ARHGEF10L: variants seen among roughly 807,000 people sequenced by gnomAD.
ARHGEF10L encodes the protein rho guanine nucleotide exchange factor 10-like protein.
A neutral mutation model predicts 141.2 loss-of-function variants in ARHGEF10L; 69 were observed. That is an observed-to-expected ratio of 0.49 (90% CI 0.40 to 0.60). ARHGEF10L has a LOEUF of 0.60. Among genes scored for constraint, ARHGEF10L ranks in the 20% least tolerant of loss-of-function variants. ARHGEF10L has a pLI of 0.00. For synonymous variants in ARHGEF10L, 711 were observed against 718.5 expected (o/e 0.99, Z 0.17); for missense variants, 1,482 against 1,734.3 (o/e 0.85, Z 2.58).
intron 27 of ARHGEF10L, chr1:17,694,533 A>T (rs952616398): frequency 4.7e-6 from 1 of 211,324 alleles, no homozygotes. Context: ...GCTAAAAAGA[A>T]TGAATCTGGA....
At chr1:17,536,365 CAGTT>C (rs1193313953), upstream of ARHGEF10L, among the ~76,000 whole-genome samples, 1 of 152,200 alleles carries the variant, frequency 6.6e-6, no homozygotes, top group South Asian at 2.1e-4. Context: ...CCTGTAGTCT[CAGTT>C]AGGAGGCTGT....
At chr1:17,645,551 C>A (rs956146077) in intron 21 of ARHGEF10L, among the ~76,000 whole-genome samples, 1 of 152,120 alleles carries the variant, frequency 6.6e-6, no homozygotes, top group Non-Finnish European at 1.5e-5. Flanking sequence ...CAGACCAGAG[C>A]TCTTGGCTGG....
rs140728299 is a variant in ARHGEF10L, at chr1:17,574,760, G to A, written c.-43-5793G>A. ...GACTCTCCACCAGGTGGCCCTTTGC[G>A]CTGAGAAGAGCTGTGGGCATCTTGC... On this transcript the variant is annotated intron_variant, in intron 1 of 28. Coordinates refer to ENST00000361221, the MANE Select transcript of ARHGEF10L (RefSeq NM_018125.4). Among the ~76,000 whole-genome samples the A allele has an allele frequency of 1.6e-4, 24 of 152,316 alleles. No individual in the cohort carries two copies. In the East Asian group the frequency reaches 3.7e-3, roughly 23 times the overall value.
chr1:17,574,288 T>A (rs1008840077), intron 1 of ARHGEF10L, among the ~76,000 whole-genome samples: 1 of 152,200 alleles, frequency 6.6e-6, no homozygotes, highest in African/African-American at 2.4e-5. Flanking sequence ...AGATGCAAAC[T>A]AAAATGTTCA....
At chr1:17,611,533 TATCCATCCATCCATCCATCC>T (rs56751222) in intron 7 of ARHGEF10L, among the ~76,000 whole-genome samples, 3 of 150,658 alleles carry the variant, frequency 2.0e-5, no homozygotes, top group Non-Finnish European at 4.4e-5. Context: ...TCTGTCTGTA[TATCCATCCATCCATCCATCC>T]ATCCATCCAT....
intron 6 of ARHGEF10L, among the ~76,000 whole-genome samples, chr1:17,606,174 G>A (rs545304429): frequency 2.0e-5 from 3 of 152,302 alleles, no homozygotes; most frequent in Admixed American, 6.5e-5. Context: ...CTCCGTGCCT[G>A]TTTTATTTAC....
intron 1 of ARHGEF10L, among the ~76,000 whole-genome samples, chr1:17,559,382 T>A (rs779538821): frequency 2.6e-5 from 4 of 152,164 alleles, no homozygotes; most frequent in African/African-American, 4.8e-5. Context: ...TTATTAGCCT[T>A]GGAGCCAGAA....
At chr1:17,592,240 G>C (rs934967353) in intron 4 of ARHGEF10L, among the ~76,000 whole-genome samples, 1 of 152,162 alleles carries the variant, frequency 6.6e-6, no homozygotes, top group East Asian at 1.9e-4. Context: ...ATGGACTCTG[G>C]CCCCCTCTGG....
rs1226556858 is a variant in ARHGEF10L at position 17,560,921 on chromosome 1, CCA to C, written c.-43-19629_-43-19628del. ...CACTGTGGGGACACCCAGGGAGGAGCCACAGTTTCTGTCCTCTGGGAGCTGAC... is the reference window on the plus strand; with the variant it reads ...CACTGTGGGGACACCCAGGGAGGAGCCAGTTTCTGTCCTCTGGGAGCTGAC... On this transcript the variant is annotated intron_variant, in intron 1 of 28. Coordinates refer to ENST00000361221, the MANE Select transcript of ARHGEF10L (RefSeq NM_018125.4). 2.6e-5 allele frequency among the ~76,000 whole-genome samples: 4 copies of C among 152,302 alleles called. No individual in the cohort carries two copies. In the East Asian group the frequency reaches 7.7e-4, roughly 30 times the overall value.
intron 1 of ARHGEF10L, among the ~76,000 whole-genome samples, chr1:17,543,184 G>A (rs2076792845): frequency 1.3e-5 from 2 of 152,032 alleles, no homozygotes; most frequent in Admixed American, 1.3e-4. Flanking sequence ...AGCCTCTGCC[G>A]GGTCCTGGGC....
chr1:17,677,941 G>A (rs1042468131), intron 26 of ARHGEF10L, among the ~76,000 whole-genome samples: 5 of 152,166 alleles, frequency 3.3e-5, no homozygotes, highest in Non-Finnish European at 7.4e-5. Context: ...CCCCTGCTGG[G>A]CCTCCCTGTC....
At position 17,678,399 on chromosome 1, in the gene ARHGEF10L, G is replaced by A. The variant is rs77322208; in HGVS notation, c.3010-9174G>A. ...TCCACTTCCTCCAGAATAGCCAGGT[G>A]CACTGATAGATTTCAGGGTTTTTTT... On this transcript the variant is annotated intron_variant, in intron 26 of 28. Coordinates refer to ENST00000361221, the MANE Select transcript of ARHGEF10L (RefSeq NM_018125.4). Among the ~76,000 whole-genome samples the A allele has an allele frequency of 3.1e-3, 466 of 151,118 alleles. 14 individuals are homozygous for A. In the East Asian group the frequency reaches 0.071, roughly 23 times the overall value.
intron 6 of ARHGEF10L, among the ~76,000 whole-genome samples, chr1:17,606,117 C>T (rs562660910): frequency 4.6e-5 from 7 of 152,164 alleles, no homozygotes; most frequent in African/African-American, 1.7e-4. Context: ...TGACGGCCTA[C>T]TGCTCTCAGC....
chr1:17,684,516 G>A (rs928540594), intron 26 of ARHGEF10L, among the ~76,000 whole-genome samples: 1 of 152,148 alleles, frequency 6.6e-6, no homozygotes, highest in Non-Finnish European at 1.5e-5. Flanking sequence ...TCTGAGGGCC[G>A]GGAGTGGGTG....
At chr1:17,696,713 G>A (rs934504102) in intron 28 of ARHGEF10L, 135 bp from the exon 29 acceptor site, 35 of 919,984 alleles carry the variant, frequency 3.8e-5, no homozygotes, top group Non-Finnish European at 5.2e-5. Flanking sequence ...TGTGGCCTTC[G>A]GGGGAGGTGC....
chr1:17,667,856 A>G (rs1302273119), intron 26 of ARHGEF10L, among the ~76,000 whole-genome samples: 1 of 152,174 alleles, frequency 6.6e-6, no homozygotes, highest in Non-Finnish European at 1.5e-5. Flanking sequence ...GGGAGGCGTC[A>G]TTGAAGACAG....
At chr1:17,541,047 C>T (rs1039208265) in intron 1 of ARHGEF10L, among the ~76,000 whole-genome samples, 2 of 152,192 alleles carry the variant, frequency 1.3e-5, no homozygotes, top group African/African-American at 2.4e-5. Flanking sequence ...TCCCCTTCAT[C>T]GGGCCCTCAG....
chr1:17,594,858 G>T (rs901921555), intron 4 of ARHGEF10L, among the ~76,000 whole-genome samples: 5 of 152,260 alleles, frequency 3.3e-5, no homozygotes, highest in Admixed American at 1.3e-4. Context: ...GATGAAATGA[G>T]ATGGGAGAGA....
intron 1 of ARHGEF10L, among the ~76,000 whole-genome samples, chr1:17,580,174 A>C (rs1456612357): frequency 6.6e-6 from 1 of 152,158 alleles, no homozygotes; most frequent in Non-Finnish European, 1.5e-5. Context: ...ATCCAGCCCC[A>C]TTTGTGACAG....
Sources: gnomAD v4.1 joint callset for allele counts (sites outside exome capture counted in the v4.1 genomes callset) on GRCh38, gnomAD v4.1.1 for gene constraint, MANE v1.5 for transcripts, NCBI Gene and HGNC (gene_info 2026-07-23, HGNC 2026-07-21) for gene names.